Variants in CLIC6 observed in about 807,000 individuals in gnomAD.
CLIC6 encodes chloride intracellular channel protein 6.
CLIC6 carries 39 observed loss-of-function variants against 49.2 expected under a neutral mutation model. That is an observed-to-expected ratio of 0.79 (90% CI 0.61 to 1.04). The LOEUF is 1.04. Among genes scored for constraint, CLIC6 ranks in the 50% least tolerant of loss-of-function variants. The pLI is 0.00. For synonymous variants in CLIC6, 446 were observed against 433.4 expected (o/e 1.03, Z -0.36); for missense variants, 988 against 993.1 (o/e 0.99, Z 0.07).
At chr21:34,698,547 G>A (rs1180217406) in intron 1 of CLIC6, among the ~76,000 whole-genome samples, 1 of 152,078 alleles carries the variant, frequency 6.6e-6, no homozygotes, top group Admixed American at 6.5e-5. Flanking sequence ...AAAGACAGAC[G>A]GAAGGGAGGA....
At chr21:34,676,811 G>A (rs1409993138) in intron 1 of CLIC6, among the ~76,000 whole-genome samples, 2 of 152,140 alleles carry the variant, frequency 1.3e-5, no homozygotes, top group Non-Finnish European at 2.9e-5. Context: ...TCTAAAACAG[G>A]TGATCTTTGG....
At chr21:34,709,036 A>G (rs567885038) in intron 4 of CLIC6, among the ~76,000 whole-genome samples, 159 of 152,260 alleles carry the variant, frequency 1.0e-3, no homozygotes, top group African/African-American at 3.6e-3. Flanking sequence ...AATAGTCATC[A>G]CCCAGGTGTT....
intron 2 of CLIC6, among the ~76,000 whole-genome samples, chr21:34,707,731 C>T (rs1332565946): frequency 6.6e-6 from 1 of 152,174 alleles, no homozygotes; most frequent in East Asian, 1.9e-4. Flanking sequence ...CCCCTTTGTG[C>T]TCCGTATTCA....
At position 34,669,966 on chromosome 21, in the gene CLIC6, A is replaced by G. The variant is rs1601253827; in HGVS notation, c.578A>G (p.Glu193Gly). Residue 193 changes from glutamate (E) to glycine (G), a missense_variant, in exon 1 of 6, where the codon GAA (glutamate) becomes GGA (glycine). By Grantham distance (98) the Glu-to-Gly change is moderately conservative. Around this residue, in one of 3 missense-constraint regions of CLIC6, gnomAD observed 57 missense variants for 117.6 expected, o/e 0.48. Coordinates refer to ENST00000349499, the MANE Select transcript of CLIC6 (RefSeq NM_053277.3). ...CGGGTGGGGGACAGCGTAGACGCGG[A>G]AGGTCCGGCGGGGGACAGCGTAGAC... ...EGRVGDSVDA[E>G]GPAGDSVDAE... 3 of 1,346,820 alleles carry G rather than the reference A, an allele frequency of 2.2e-6. No homozygotes were observed. The highest frequency in any genetic ancestry group is 2.8e-6 in the Non-Finnish European group (3 of 1,058,186). The allele number at this position is 1,346,820 out of a possible 1,614,324, so 83.4% of individuals were successfully genotyped here. A position where few individuals can be genotyped will look rare whatever the true frequency, so the allele number is the denominator to read the frequency against.
At chr21:34,703,556 G>A (rs1418926341) in intron 1 of CLIC6, among the ~76,000 whole-genome samples, 1 of 152,198 alleles carries the variant, frequency 6.6e-6, no homozygotes, top group African/African-American at 2.4e-5. Flanking sequence ...CAGACCACTG[G>A]AGAGGCCATT....
chr21:34,687,927 C>A (rs1989911153), intron 1 of CLIC6, among the ~76,000 whole-genome samples: 1 of 152,162 alleles, frequency 6.6e-6, no homozygotes, highest in Non-Finnish European at 1.5e-5. Context: ...AATGAGGAAT[C>A]TGGCAATAAA....
intron 1 of CLIC6, among the ~76,000 whole-genome samples, chr21:34,692,557 A>C (rs1226098560): frequency 6.6e-6 from 1 of 152,190 alleles, no homozygotes; most frequent in Non-Finnish European, 1.5e-5. Context: ...ATCTCATAAT[A>C]ATTCCCTTAA....
At chr21:34,711,077 G>A (rs2056053373) in intron 5 of CLIC6, among the ~76,000 whole-genome samples, 1 of 152,216 alleles carries the variant, frequency 6.6e-6, no homozygotes, top group Non-Finnish European at 1.5e-5. Flanking sequence ...AGATACCTCA[G>A]GAAGAAGCCC....
chr21:34,675,188 A>G (rs1268315667), intron 1 of CLIC6, among the ~76,000 whole-genome samples: 1 of 151,978 alleles, frequency 6.6e-6, no homozygotes, highest in Non-Finnish European at 1.5e-5. Context: ...GAAACACAGT[A>G]AAACTCAAGA....
At position 34,670,169 on chromosome 21, in the gene CLIC6, GAAGCGGGGGTCCCGGCGGGGGACA is replaced by G; in HGVS notation, c.782_805del (p.Glu261_Ser269delinsGly). The G allele has an allele frequency of 1.1e-6, 1 of 881,432 alleles. No individual in the cohort carries two copies. Among genetic ancestry groups the G allele is most frequent in the Non-Finnish European group, 1.5e-6 (1 of 665,172 alleles). 54.6% of individuals were successfully genotyped at this position (881,432 alleles called of 1,614,324 possible). On this transcript the variant is annotated inframe_deletion, in exon 1 of 6. Transcript: ENST00000349499. ...GGGGGACCCGGCGGGGGACGGCGTA[GAAGCGGGGGTCCCGGCGGGGGACA>G]GCGTAGAAGCCGAAGGCCCGGCGGG...
intron 5 of CLIC6, among the ~76,000 whole-genome samples, chr21:34,713,431 C>T (rs919803389): frequency 1.3e-5 from 2 of 152,090 alleles, no homozygotes; most frequent in Non-Finnish European, 2.9e-5. Flanking sequence ...AAATAAAAGT[C>T]CTGTTAGAAG....
At position 34,717,157 on chromosome 21, in the gene CLIC6, C is replaced by T. The variant is rs556734692; in HGVS notation, c.*675C>T. 6.6e-6 allele frequency: 1 copy of T among 152,446 alleles called. No individual in the cohort carries two copies. Among genetic ancestry groups the T allele is most frequent in the South Asian group, 2.1e-4 (1 of 4,830 alleles). 9.4% of individuals were successfully genotyped at this position (152,446 alleles called of 1,614,324 possible). A position where few individuals can be genotyped will look rare whatever the true frequency, so the allele number is the denominator to read the frequency against. On this transcript the variant is annotated 3_prime_UTR_variant, in exon 6 of 6. Transcript: ENST00000349499. ...TGCCTCATTTCTGCCTCCAGGATGC[C>T]ACTGCCTCTGCTTCCAGGAAAGGCA... is the stretch of plus-strand genomic sequence containing the variant.
intron 1 of CLIC6, among the ~76,000 whole-genome samples, chr21:34,701,699 A>C (rs1000328610): frequency 2.0e-5 from 3 of 152,196 alleles, no homozygotes; most frequent in Non-Finnish European, 2.9e-5. Flanking sequence ...CCCGTCCACC[A>C]TGTTGCCTTG....
At chr21:34,703,857 G>C (rs767409294) in intron 1 of CLIC6, among the ~76,000 whole-genome samples, 1 of 152,142 alleles carries the variant, frequency 6.6e-6, no homozygotes, top group African/African-American at 2.4e-5. Context: ...TGGAGGCACC[G>C]TTTCTTTCTT....
intron 5 of CLIC6, among the ~76,000 whole-genome samples, chr21:34,714,111 T>C (rs896782377): frequency 2.6e-5 from 4 of 152,198 alleles, no homozygotes; most frequent in African/African-American, 9.7e-5. Flanking sequence ...CATAAAATTG[T>C]TCTATGATGA....
chr21:34,674,922 T>C (rs1256777318), intron 1 of CLIC6, among the ~76,000 whole-genome samples: 1 of 152,168 alleles, frequency 6.6e-6, no homozygotes, highest in Non-Finnish European at 1.5e-5. Context: ...AAGGAAGTCT[T>C]GCTTACGGCT....
chr21:34,702,018 A>G (rs1258313633), intron 1 of CLIC6, among the ~76,000 whole-genome samples: 4 of 152,056 alleles, frequency 2.6e-5, no homozygotes, highest in African/African-American at 9.7e-5. Flanking sequence ...GAAAAAGCTC[A>G]TGGACTTTGG....
rs1190316431 is a variant in CLIC6 at position 34,682,576 on chromosome 21, A to G, written c.1374+11814A>G. ...CTTTTGTCTGTCACATGTGTTCCATATATTTTTATAAGAGTGTGCTGACTG... is the reference window on the plus strand; with the variant it reads ...CTTTTGTCTGTCACATGTGTTCCATGTATTTTTATAAGAGTGTGCTGACTG... On this transcript the variant is annotated intron_variant, in intron 1 of 5. Coordinates refer to ENST00000349499, the MANE Select transcript of CLIC6 (RefSeq NM_053277.3). 5.3e-5 allele frequency among the ~76,000 whole-genome samples: 8 copies of G among 152,092 alleles called. No homozygotes were observed. The East Asian group carries it at 1.5e-3, about 29-fold the overall frequency.
At chr21:34,683,290 C>G (rs1229498113) in intron 1 of CLIC6, among the ~76,000 whole-genome samples, 1 of 152,204 alleles carries the variant, frequency 6.6e-6, no homozygotes, top group Non-Finnish European at 1.5e-5. Context: ...TCGCTTTGAT[C>G]TTTGCATAAT....
Sources: allele counts gnomAD v4.1 joint callset (sites outside exome capture counted in the v4.1 genomes callset), GRCh38; gene constraint gnomAD v4.1.1; regional missense constraint gnomAD v4.1.1; transcripts MANE v1.5; gene names NCBI Gene and HGNC (gene_info 2026-07-23, HGNC 2026-07-21).